The following SNAPC3 variants were observed in gnomAD, a reference collection of about 807,000 sequenced individuals.
The protein encoded by SNAPC3 is small nuclear RNA activating complex polypeptide 3, also known as snRNA-activating protein complex subunit 3.
A neutral mutation model predicts 47.7 loss-of-function variants in SNAPC3; 56 were observed. That is an observed-to-expected ratio of 1.18 (90% confidence interval 0.95 to 1.47). The LOEUF (loss-of-function observed/expected upper bound fraction) is 1.47. Among genes scored for constraint, SNAPC3 ranks in the 40% most tolerant of loss-of-function variants. The pLI, the probability that SNAPC3 is intolerant of heterozygous loss-of-function variation, is 0.00. For synonymous variants in SNAPC3, 235 were observed against 189.9 expected (o/e 1.24, Z -1.95); for missense variants, 665 against 511.3 (o/e 1.30, Z -2.90).
chr9:15,433,682 A>G (rs770766003), intron 3 of SNAPC3, 46 bp downstream of exon 3: 1 of 1,202,410 alleles, frequency 8.3e-7, no homozygotes, highest in South Asian at 1.2e-5. Context: ...TTAAAACAGT[A>G]AACCGACATT....
At chr9:15,455,239 A>G (rs547725313) in intron 7 of SNAPC3, among the ~76,000 whole-genome samples, 23 of 152,312 alleles carry the variant, frequency 1.5e-4, no homozygotes, top group African/African-American at 4.6e-4. Context: ...TTAAAATTAT[A>G]GACAGTACAT....
chr9:15,465,331 C>G (rs78000483), downstream of SNAPC3: 4 of 540,020 alleles, frequency 7.4e-6, no homozygotes, highest in East Asian at 1.3e-4. Flanking sequence ...TATAATGTAG[C>G]TGTTAATACT....
At chr9:15,464,114 T>A (rs542820498), downstream of SNAPC3, 8 of 180,996 alleles carry the variant, frequency 4.4e-5, no homozygotes, top group Non-Finnish European at 8.3e-5. Flanking sequence ...GTTGAACTTA[T>A]GGCTTAACTA....
At chr9:15,458,286 A>G (rs2034952961) in intron 8 of SNAPC3, among the ~76,000 whole-genome samples, 1 of 152,198 alleles carries the variant, frequency 6.6e-6, no homozygotes, top group South Asian at 2.1e-4. Context: ...GATAGGTCAA[A>G]TTTCAGGCTT....
chr9:15,438,855 G>A (rs1031400121), intron 3 of SNAPC3, among the ~76,000 whole-genome samples: 1 of 151,958 alleles, frequency 6.6e-6, no homozygotes, highest in African/African-American at 2.4e-5. Context: ...TATCTGTTGG[G>A]TCTAATTGTT....
Position 15,458,954 on chromosome 9 carries a change from A to T in SNAPC3, c.1089-765A>T, listed in dbSNP as rs1414849452. Among the ~76,000 whole-genome samples the T allele has an allele frequency of 3.3e-5, 5 of 152,332 alleles. No individual in the cohort carries two copies. In the East Asian group the frequency reaches 7.7e-4, roughly 23 times the overall value. ...CGGCAAATATATGCATAATATATTT[A>T]AAAATCTGAAAAAAATCTGCAATTT... On this transcript the variant is annotated intron_variant, in intron 8 of 8. Transcript: ENST00000380821.
In SNAPC3 at chr9:15,459,937, G is replaced by C. The variant is rs1435700820; in HGVS notation, c.*71G>C. The C allele has an allele frequency of 1.4e-6, 2 of 1,388,128 alleles. No homozygotes were observed. Among genetic ancestry groups the C allele is most frequent in the African/African-American group, 2.9e-5 (2 of 69,406 alleles). 86.0% of individuals were successfully genotyped at this position (1,388,128 alleles called of 1,614,324 possible). On this transcript the variant is annotated 3_prime_UTR_variant, in exon 9 of 9. Transcript: ENST00000380821. Reference sequence around the variant, plus strand: ...TCTTGGATGGTTACCTTATTTCTAAGAAACGCCACTGAGGAACAGGATCCA... The same window carrying C: ...TCTTGGATGGTTACCTTATTTCTAACAAACGCCACTGAGGAACAGGATCCA...
chr9:15,458,481 A>G (rs1299371358), intron 8 of SNAPC3, among the ~76,000 whole-genome samples: 1 of 152,208 alleles, frequency 6.6e-6, no homozygotes, highest in African/African-American at 2.4e-5. Context: ...TTAATCCAAA[A>G]TGCTCGAGAG....
At chr9:15,423,228 G>C (rs1177091156) in intron 1 of SNAPC3, 35 bp downstream of exon 1, 1 of 1,533,728 alleles carries the variant, frequency 6.5e-7, no homozygotes, top group Non-Finnish European at 8.7e-7. Flanking sequence ...TGCAGCTTGG[G>C]GTCAAACAGG....
At position 15,456,669 on chromosome 9, in the gene SNAPC3, T is replaced by C. The variant is rs147712480; in HGVS notation, c.981-1291T>C. 7.6e-4 allele frequency among the ~76,000 whole-genome samples: 115 copies of C among 152,182 alleles called. 1 individual carries two copies. Among genetic ancestry groups the C allele is most frequent in the African/African-American group, 2.6e-3 (108 of 41,514 alleles). Reference sequence around the variant, plus strand: ...TTTTTGTAGAGACAGGGTCTCACTTTGTTTCCTAGGCTGGTCTTGAACTCC... The same window carrying C: ...TTTTTGTAGAGACAGGGTCTCACTTCGTTTCCTAGGCTGGTCTTGAACTCC... On this transcript the variant is annotated intron_variant, in intron 7 of 8. Coordinates refer to ENST00000380821, the MANE Select transcript of SNAPC3 (RefSeq NM_001039697.2).
chr9:15,425,948 G>T (rs1037522969), intron 2 of SNAPC3, among the ~76,000 whole-genome samples: 17 of 152,088 alleles, frequency 1.1e-4, no homozygotes, highest in Non-Finnish European at 2.4e-4. Flanking sequence ...GGCAACCTCC[G>T]CCTCCTAGGT....
chr9:15,453,422 G>C, intron 7 of SNAPC3: 2 of 431,338 alleles, frequency 4.6e-6, no homozygotes, highest in Non-Finnish European at 8.1e-6. Flanking sequence ...AAATCTTTAA[G>C]AAATACTTTA....
chr9:15,429,976 C>A (rs2031927454), intron 2 of SNAPC3, among the ~76,000 whole-genome samples: 1 of 152,094 alleles, frequency 6.6e-6, no homozygotes, highest in Non-Finnish European at 1.5e-5. Context: ...ATTCAAGCCC[C>A]AAAGTATTAC....
rs920119911 is a variant in SNAPC3, at chr9:15,460,559, T to C, written c.*693T>C. The C allele has an allele frequency of 6.6e-6, 1 of 152,340 alleles. No homozygotes were observed. The highest frequency in any genetic ancestry group is 1.9e-4 in the East Asian group (1 of 5,186). The allele number at this position is 152,340 out of a possible 1,614,324, so 9.4% of individuals were successfully genotyped here. On this transcript the variant is annotated 3_prime_UTR_variant, in exon 9 of 9. Transcript: ENST00000380821. Reference sequence around the variant, plus strand: ...GCACCTGGCACCATGCCTGGCTAATTTTTGTATTTTTAGTAGAGACGGGGT... The same window carrying C: ...GCACCTGGCACCATGCCTGGCTAATCTTTGTATTTTTAGTAGAGACGGGGT...
At chr9:15,438,869 G>A (rs1477429669) in intron 3 of SNAPC3, among the ~76,000 whole-genome samples, 6 of 151,916 alleles carry the variant, frequency 3.9e-5, no homozygotes, top group African/African-American at 1.5e-4. Context: ...AATTGTTCTC[G>A]TTGTTCAAGT....
chr9:15,423,967 A>T lies in SNAPC3; in HGVS notation c.373A>T (p.Thr125Ser). 6.3e-7 allele frequency: 1 copy of T among 1,583,452 alleles called. No individual in the cohort carries two copies. The highest frequency in any genetic ancestry group is 1.2e-5 in the South Asian group (1 of 85,768). ...GGATCCAGAAGTCATTCCGGAGAAT[A>T]CTGACCTGGTGACTTTGGGGTATGG... ...GEDPEVIPEN[T>S]DLVTLGVRKR... The change falls in exon 2 of 9, where the codon ACT (threonine) becomes TCT (serine). Residue 125 changes from threonine to serine, a missense_variant. By Grantham distance (58) the Thr-to-Ser change is moderately conservative. Coordinates refer to ENST00000380821, the MANE Select transcript of SNAPC3 (RefSeq NM_001039697.2).
In SNAPC3 at chr9:15,440,948, C is replaced by CAA. The variant is rs1199527486; in HGVS notation, c.478-3636_478-3635dup. Among the ~76,000 whole-genome samples the CAA allele has an allele frequency of 4.0e-3, 480 of 121,398 alleles. 3 individuals carry two copies. Among genetic ancestry groups the CAA allele is most frequent in the Middle Eastern group, 8.5e-3 (2 of 234 alleles). 79.6% of individuals were successfully genotyped at this position (121,398 alleles called of 152,430 possible). On this transcript the variant is annotated intron_variant, in intron 3 of 8. Transcript: ENST00000380821. ...TGGGCAACAGAGTGAGACTCCGTCT[C>CAA]AAAAAAAAAAAAAAAAAAATTGGTC...
intron 2 of SNAPC3, among the ~76,000 whole-genome samples, chr9:15,429,588 G>A (rs1381016402): frequency 1.3e-5 from 2 of 152,058 alleles, no homozygotes; most frequent in Non-Finnish European, 2.9e-5. Flanking sequence ...AAGAAAATGG[G>A]TAACTCTAGG....
rs188639555 is a variant in SNAPC3, at chr9:15,461,567, T to C, written c.*1701T>C. 1.3e-5 allele frequency: 2 copies of C among 152,330 alleles called. No individual in the cohort carries two copies. The highest frequency in any genetic ancestry group is 3.9e-4 in the East Asian group (2 of 5,182). 9.4% of individuals were successfully genotyped at this position (152,330 alleles called of 1,614,324 possible). On this transcript the variant is annotated 3_prime_UTR_variant, in exon 9 of 9. Transcript: ENST00000380821. ...CATTTAATACTGTTTAGAAGACTTT[T>C]AGGAATACTATAGATTTCAAATGCA...
Sources: allele counts gnomAD v4.1 joint callset (sites outside exome capture counted in the v4.1 genomes callset), GRCh38; gene constraint gnomAD v4.1.1; transcripts MANE v1.5; gene names NCBI Gene and HGNC (gene_info 2026-07-23, HGNC 2026-07-21).